The following APBA2 variants were observed in gnomAD, a reference collection of about 807,000 sequenced individuals.
The protein encoded by APBA2 is amyloid beta precursor protein binding family A member 2.
A neutral mutation model predicts 75.0 loss-of-function variants in APBA2; 30 were observed. That is an observed-to-expected ratio of 0.40 (90% CI 0.30 to 0.54). The LOEUF (loss-of-function observed/expected upper bound fraction) is 0.54, where lower values mean the gene tolerates loss of function less well. Ranked by LOEUF, APBA2 falls within the 20% of genes least tolerant of loss-of-function variation. APBA2 has a pLI of 0.49. For synonymous variants in APBA2, 444 were observed against 409.6 expected, an observed-to-expected ratio of 1.08 and a Z score of -1.01; for missense variants, 801 against 1,016.1, an observed-to-expected ratio of 0.79 and a Z score of 2.88.
chr15:29,046,806 C>T lies in APBA2; in HGVS notation c.-40-7039C>T, dbSNP rs370916851. ...AGTCCCTCCAAGATGCACCCATATCCCACTGCAGGGATGCAATTTGCATAC... is the reference window on the plus strand; with the variant it reads ...AGTCCCTCCAAGATGCACCCATATCTCACTGCAGGGATGCAATTTGCATAC... On this transcript the variant is annotated intron_variant, in intron 3 of 14. Transcript: ENST00000683413. The surrounding 1 kb of genome is among the most constrained non-coding windows in gnomAD (Gnocchi z 5.0). 3.7e-4 allele frequency among the ~76,000 whole-genome samples: 57 copies of T among 152,332 alleles called. 1 individual carries two copies. The highest frequency in any genetic ancestry group is 1.3e-3 in the African/African-American group (53 of 41,578).
intron 3 of APBA2, among the ~76,000 whole-genome samples, chr15:29,006,977 GT>G (rs2039150709): frequency 6.6e-6 from 1 of 152,186 alleles, no homozygotes; most frequent in African/African-American, 2.4e-5. Flanking sequence ...GAAGGACAAA[GT>G]TGGCGATCTC....
intron 2 of APBA2, among the ~76,000 whole-genome samples, chr15:28,968,822 C>T (rs530722851): frequency 4.1e-4 from 62 of 152,282 alleles, no homozygotes; most frequent in South Asian, 2.1e-3. Context: ...GAAGCAGACA[C>T]GTGCAGAGGG....
In APBA2 at chr15:29,117,668, GTGATTGAT is replaced by G. The variant is rs3833817; in HGVS notation, c.*546_*553del. On this transcript the variant is annotated 3_prime_UTR_variant, in exon 15 of 15. Transcript: ENST00000683413. The stretch of plus-strand genomic sequence containing the variant: ...ACTTGTAATGAAAGTTTGGGGACAT[GTGATTGAT>G]TGATTGATTGTAAATAAAGGATGAT... 6.4e-6 allele frequency: 1 copy of G among 155,660 alleles called. No individual in the cohort carries two copies. Among genetic ancestry groups the G allele is most frequent in the African/African-American group, 2.4e-5 (1 of 41,324 alleles). The allele number at this position is 155,660 out of a possible 1,614,324, so 9.6% of individuals were successfully genotyped here.
chr15:29,103,439 C>A (rs369767673), intron 10 of APBA2, among the ~76,000 whole-genome samples: 1 of 152,234 alleles, frequency 6.6e-6, no homozygotes, highest in African/African-American at 2.4e-5. Flanking sequence ...GGCTTGGCTG[C>A]GAGTTGGGGC....
chr15:29,070,946 C>T (rs998649604), intron 4 of APBA2: 5 of 395,732 alleles, frequency 1.3e-5, no homozygotes, highest in Non-Finnish European at 2.5e-5. Flanking sequence ...CACAGGGTTA[C>T]GTTTGGGAGA....
intron 4 of APBA2, among the ~76,000 whole-genome samples, chr15:29,071,379 G>A (rs372535570): frequency 6.6e-6 from 1 of 151,630 alleles, no homozygotes; most frequent in African/African-American, 2.4e-5. Flanking sequence ...TCAGAGCTCC[G>A]GGGACACACG....
At chr15:28,933,835 GTCCACTA>G (rs1389665323) in intron 2 of APBA2, among the ~76,000 whole-genome samples, 7 of 152,210 alleles carry the variant, frequency 4.6e-5, no homozygotes, top group Non-Finnish European at 8.8e-5. Flanking sequence ...CCCTCAAAGA[GTCCACTA>G]TCTGGGGTTT....
intron 6 of APBA2, among the ~76,000 whole-genome samples, chr15:29,082,649 G>A (rs1284403731): frequency 1.3e-5 from 2 of 151,806 alleles, no homozygotes; most frequent in Non-Finnish European, 2.9e-5. Context: ...TTCTTTTTTT[G>A]GTATGCTTTT....
In APBA2 at chr15:29,097,809, C is replaced by G. The variant is rs913053863; in HGVS notation, c.1252-681C>G. 3.9e-5 allele frequency among the ~76,000 whole-genome samples: 6 copies of G among 152,194 alleles called. No individual in the cohort carries two copies. The East Asian group carries it at 9.6e-4, about 24-fold the overall frequency. Reference sequence around the variant, plus strand: ...TGTGTCCGTGGACCAATACTTCCCCCTTCACTCCTTTGCCCCAGCCCCTGA... The same window carrying G: ...TGTGTCCGTGGACCAATACTTCCCCGTTCACTCCTTTGCCCCAGCCCCTGA... On this transcript the variant is annotated intron_variant, in intron 8 of 14. Coordinates refer to ENST00000683413, the MANE Select transcript of APBA2 (RefSeq NM_001353788.2).
At chr15:28,986,099 C>T (rs1201966593) in intron 2 of APBA2, among the ~76,000 whole-genome samples, 1 of 152,202 alleles carries the variant, frequency 6.6e-6, no homozygotes, top group Non-Finnish European at 1.5e-5. Flanking sequence ...GCCTCCTCTT[C>T]CCCTGCCCAG....
At chr15:29,114,494 A>T (rs11637374) in intron 14 of APBA2, among the ~76,000 whole-genome samples, 2 of 151,846 alleles carry the variant, frequency 1.3e-5, no homozygotes, top group Admixed American at 6.6e-5. Context: ...GCTCACAAGG[A>T]GGCAGGATCA....
At chr15:28,975,811 T>G (rs1291250300) in intron 2 of APBA2, among the ~76,000 whole-genome samples, 1 of 152,236 alleles carries the variant, frequency 6.6e-6, no homozygotes, top group Non-Finnish European at 1.5e-5. Flanking sequence ...TCATGGGCCA[T>G]ATTGGCAGAG....
chr15:28,903,607 C>G (rs1156991965), intron 1 of APBA2, among the ~76,000 whole-genome samples: 1 of 152,210 alleles, frequency 6.6e-6, no homozygotes, highest in African/African-American at 2.4e-5. Context: ...GGCGGGGACC[C>G]CGTGGTCTTG....
rs559667679 is a variant in APBA2, at chr15:29,062,438, C to A, written c.951+7603C>A. Among the ~76,000 whole-genome samples, 12 of 152,286 alleles carry A rather than the reference C, an allele frequency of 7.9e-5. No homozygotes were observed. The East Asian group carries it at 2.1e-3, about 27-fold the overall frequency. On this transcript the variant is annotated intron_variant, in intron 4 of 14. Coordinates refer to ENST00000683413, the MANE Select transcript of APBA2 (RefSeq NM_001353788.2). ...TACGGGTGTGCATTGACGTTTCAAT[C>A]CTGGCTGGCTCCGCATGAGCTTCTG...
At chr15:28,935,591 G>C (rs1249321104) in intron 2 of APBA2, among the ~76,000 whole-genome samples, 2 of 152,178 alleles carry the variant, frequency 1.3e-5, no homozygotes, top group African/African-American at 2.4e-5. Context: ...GCAGCGCCCA[G>C]CCTAGCAGGG....
At chr15:29,016,363 TGAGC>T (rs1180841157) in intron 3 of APBA2, among the ~76,000 whole-genome samples, 3 of 152,224 alleles carry the variant, frequency 2.0e-5, no homozygotes, top group African/African-American at 7.2e-5. Flanking sequence ...CAGAGCTTAA[TGAGC>T]ATGCATGTCA....
Position 28,932,311 on chromosome 15 carries a change from G to A in APBA2, c.-95+10562G>A, listed in dbSNP as rs545451427. ...AGCATGGGGTGCTGGCTTCTGTACTGTAGTGCAGTGCCATGAGGTACCCAT... is the reference window on the plus strand; with the variant it reads ...AGCATGGGGTGCTGGCTTCTGTACTATAGTGCAGTGCCATGAGGTACCCAT... On this transcript the variant is annotated intron_variant, in intron 2 of 14. Coordinates refer to ENST00000683413, the MANE Select transcript of APBA2 (RefSeq NM_001353788.2). 1.1e-4 allele frequency among the ~76,000 whole-genome samples: 16 copies of A among 152,248 alleles called. No homozygotes were observed. The East Asian group carries it at 2.5e-3, about 24-fold the overall frequency.
intron 3 of APBA2, among the ~76,000 whole-genome samples, chr15:29,038,052 C>A (rs1267261419): frequency 6.6e-6 from 1 of 152,208 alleles, no homozygotes; most frequent in Non-Finnish European, 1.5e-5. Flanking sequence ...TCCTGGTGTC[C>A]TGCACCCTGG....
chr15:28,887,737 G>A (rs36183376), intron 1 of APBA2, among the ~76,000 whole-genome samples: 67,966 of 151,984 alleles, frequency 0.45, 15,498 homozygotes, highest in Non-Finnish European at 0.47. Flanking sequence ...GCGTGAGTGG[G>A]TAAAGCTGGA....
Sources: gnomAD v4.1 joint callset for allele counts (sites outside exome capture counted in the v4.1 genomes callset) on GRCh38, gnomAD v4.1.1 for gene constraint, Gnocchi (gnomAD v3.1) non-coding constraint, MANE v1.5 for transcripts, NCBI Gene and HGNC (gene_info 2026-07-23, HGNC 2026-07-21) for gene names.